The following OTUD3 variants were observed in gnomAD, a reference collection of about 807,000 sequenced individuals.
OTUD3 encodes OTU deubiquitinase 3.
A neutral mutation model predicts 46.2 loss-of-function variants in OTUD3; 24 were observed. That is an observed-to-expected ratio of 0.52 (90% CI 0.38 to 0.73). The LOEUF (loss-of-function observed/expected upper bound fraction) is 0.73. Among genes scored for constraint, OTUD3 ranks in the 30% least tolerant of loss-of-function variants. The pLI is 0.00. For synonymous variants in OTUD3, 189 were observed against 195.4 expected, an observed-to-expected ratio of 0.97 and a Z score of 0.27; for missense variants, 455 against 523.3, an observed-to-expected ratio of 0.87 and a Z score of 1.27.
At chr1:19,907,212 C>T (rs1170236007) in intron 7 of OTUD3, among the ~76,000 whole-genome samples, 5 of 152,170 alleles carry the variant, frequency 3.3e-5, no homozygotes, top group African/African-American at 1.2e-4. Context: ...TAAAAAGCCA[C>T]AGCAGAGGCA....
Position 19,907,865 on chromosome 1 carries a change from C to T in OTUD3, c.*119C>T. On this transcript the variant is annotated 3_prime_UTR_variant, in exon 8 of 8. Coordinates refer to ENST00000375120, the MANE Select transcript of OTUD3 (RefSeq NM_015207.2). ...ACAACCAACGAAGCCCACACATGAG[C>T]TCACACACTGAGTTAGTTTCGTTCA... 1 of 836,984 alleles carries T rather than the reference C, an allele frequency of 1.2e-6. No individual in the cohort carries two copies. Among genetic ancestry groups the T allele is most frequent in the Non-Finnish European group, 1.8e-6 (1 of 545,434 alleles). The allele number at this position is 836,984 out of a possible 1,614,324, so 51.8% of individuals were successfully genotyped here.
At chr1:19,894,908 A>C (rs111925437) in intron 3 of OTUD3, among the ~76,000 whole-genome samples, 157 of 152,352 alleles carry the variant, frequency 1.0e-3, no homozygotes, top group African/African-American at 3.6e-3. Flanking sequence ...TTAAAAAGTT[A>C]AAATACAGTA....
chr1:19,894,368 T>A lies in OTUD3; in HGVS notation c.371T>A (p.Val124Glu). 1.9e-6 allele frequency: 3 copies of A among 1,581,906 alleles called. No homozygotes were observed. The highest frequency in any genetic ancestry group is 2.6e-6 in the Non-Finnish European group (3 of 1,158,936). The stretch of plus-strand genomic sequence containing the variant: ...ATTTTTCTTTCCTATTTCCATGCAG[T>A]GGCCAGTTTGGCAAAGCCTGGTACT... ...VEDDIPFEKH[V>E]ASLAKPGTFA... The change falls in exon 3 of 8, where the codon GTG becomes GAG. Residue 124 changes from valine to glutamate, a missense_variant and splice_region_variant. Val to Glu is a moderately radical substitution (Grantham distance 121, BLOSUM62 -2). Coordinates refer to ENST00000375120, the MANE Select transcript of OTUD3 (RefSeq NM_015207.2).
rs748277835 is a variant in OTUD3, at chr1:19,910,457, A to G, written c.*2711A>G. On this transcript the variant is annotated 3_prime_UTR_variant, in exon 8 of 8. Coordinates refer to ENST00000375120, the MANE Select transcript of OTUD3 (RefSeq NM_015207.2). ...CAACAGCTTTGAACTAGAGAGGTAG[A>G]TGTATTAAAGCAGCATAGAACCATA... is the stretch of plus-strand genomic sequence containing the variant. The G allele has an allele frequency of 5.9e-5, 9 of 152,328 alleles. No individual in the cohort carries two copies. Among genetic ancestry groups the G allele is most frequent in the Non-Finnish European group, 1.2e-4 (8 of 68,032 alleles). The allele number at this position is 152,328 out of a possible 1,614,324, so 9.4% of individuals were successfully genotyped here. A position where few individuals can be genotyped will look rare whatever the true frequency, so the allele number is the denominator to read the frequency against.
intron 6 of OTUD3, among the ~76,000 whole-genome samples, chr1:19,905,691 A>G (rs1233773933): frequency 6.6e-6 from 1 of 152,212 alleles, no homozygotes; most frequent in Non-Finnish European, 1.5e-5. Context: ...CAGTGAGCTA[A>G]GATCGCACCA....
intron 3 of OTUD3, among the ~76,000 whole-genome samples, chr1:19,894,912 T>A (rs2045497540): frequency 6.6e-6 from 1 of 152,100 alleles, no homozygotes; most frequent in African/African-American, 2.4e-5. Flanking sequence ...AAAGTTAAAA[T>A]ACAGTACTTG....
chr1:19,902,973 T>C (rs972502092), intron 4 of OTUD3, among the ~76,000 whole-genome samples: 1 of 151,866 alleles, frequency 6.6e-6, no homozygotes, highest in Non-Finnish European at 1.5e-5. Flanking sequence ...CTATAAAGCC[T>C]TTGGGTGGTT....
rs2100343641 is a variant in OTUD3, at chr1:19,912,379, C to T, written c.*4633C>T. 1 of 152,646 alleles carries T rather than the reference C, an allele frequency of 6.6e-6. No individual in the cohort carries two copies. The highest frequency in any genetic ancestry group is 2.1e-4 in the South Asian group (1 of 4,832). 9.5% of individuals were successfully genotyped at this position (152,646 alleles called of 1,614,324 possible). Reference sequence around the variant, plus strand: ...TTTCCCACTCTTACAGTTCATTTTTCATAGTAGGAAGGGCCCTTGGCCTCC... The same window carrying T: ...TTTCCCACTCTTACAGTTCATTTTTTATAGTAGGAAGGGCCCTTGGCCTCC... On this transcript the variant is annotated 3_prime_UTR_variant, in exon 8 of 8. Transcript: ENST00000375120.
intron 3 of OTUD3, among the ~76,000 whole-genome samples, chr1:19,897,158 ATAGT>A (rs534879643): frequency 9.8e-4 from 149 of 152,194 alleles, no homozygotes; most frequent in Middle Eastern, 6.8e-3. Context: ...GAGCCTTCAA[ATAGT>A]TAGGGCTTCA....
At chr1:19,897,780 G>A in intron 4 of OTUD3, 118 bp downstream of exon 4, 1 of 991,826 alleles carries the variant, frequency 1.0e-6, no homozygotes, top group Non-Finnish European at 1.5e-6. Context: ...TTGAGAATCT[G>A]TGGGCCTGAT....
In OTUD3 at chr1:19,911,084, C is replaced by G. The variant is rs1313006438; in HGVS notation, c.*3338C>G. Reference sequence around the variant, plus strand: ...TAGTCAGAGGTGACTAAAAGTTACCCTGACCAAAAGGATCTCTGCGGGGGG... The same window carrying G: ...TAGTCAGAGGTGACTAAAAGTTACCGTGACCAAAAGGATCTCTGCGGGGGG... On this transcript the variant is annotated 3_prime_UTR_variant, in exon 8 of 8. Transcript: ENST00000375120. 2 of 152,324 alleles carry G rather than the reference C, an allele frequency of 1.3e-5. No homozygotes were observed. The highest frequency in any genetic ancestry group is 2.4e-5 in the African/African-American group (1 of 41,426). 9.4% of individuals were successfully genotyped at this position (152,324 alleles called of 1,614,324 possible). A position where few individuals can be genotyped will look rare whatever the true frequency, so the allele number is the denominator to read the frequency against.
intron 1 of OTUD3, among the ~76,000 whole-genome samples, chr1:19,887,602 G>C (rs2045385763): frequency 6.6e-6 from 1 of 152,134 alleles, no homozygotes; most frequent in Non-Finnish European, 1.5e-5. Flanking sequence ...GAGCTAAGGT[G>C]AAATTACCTT....
chr1:19,889,500 A>G (rs2045419102), intron 1 of OTUD3, among the ~76,000 whole-genome samples: 1 of 152,192 alleles, frequency 6.6e-6, no homozygotes, highest in Admixed American at 6.5e-5. Flanking sequence ...AGTTGGGTGT[A>G]AAACTGGACA....
intron 1 of OTUD3, among the ~76,000 whole-genome samples, chr1:19,886,833 GC>G (rs1172766379): frequency 1.3e-5 from 2 of 152,182 alleles, no homozygotes; most frequent in African/African-American, 4.8e-5. Context: ...TCTAACAACT[GC>G]CCAGGGGATG....
chr1:19,890,404 CT>C lies in OTUD3; in HGVS notation c.243del (p.Gly82ValfsTer22). ...PGDGNCLFRA[L>X]GDQLEGHSRN... ...TGACAGCAATTGCTTGTTCAGAGCT[CT>C]TGGTGATCAATTGGAGGGACACTCA... is the stretch of plus-strand genomic sequence containing the variant. On this transcript the variant is annotated frameshift_variant, in exon 2 of 8. Transcript: ENST00000375120. LOFTEE classifies it high-confidence loss of function. 6.2e-7 allele frequency: 1 copy of C among 1,613,956 alleles called. No homozygotes were observed. The highest frequency in any genetic ancestry group is 8.5e-7 in the Non-Finnish European group (1 of 1,179,842).
Position 19,912,020 on chromosome 1 carries a change from T to C in OTUD3, c.*4274T>C, listed in dbSNP as rs899152462. On this transcript the variant is annotated 3_prime_UTR_variant, in exon 8 of 8. Coordinates refer to ENST00000375120, the MANE Select transcript of OTUD3 (RefSeq NM_015207.2). ...TCGTTAGGACTGTTTTGTGGTTCCA[T>C]GAAAATGTTTAGCATCCTTGCAGAA... 1 of 152,396 alleles carries C rather than the reference T, an allele frequency of 6.6e-6. No homozygotes were observed. The highest frequency in any genetic ancestry group is 6.5e-5 in the Admixed American group (1 of 15,294). 9.4% of individuals were successfully genotyped at this position (152,396 alleles called of 1,614,324 possible).
intron 1 of OTUD3, among the ~76,000 whole-genome samples, chr1:19,886,686 A>G (rs2045366373): frequency 1.3e-5 from 2 of 152,250 alleles, no homozygotes; most frequent in South Asian, 2.1e-4. Flanking sequence ...TAGATGCTCA[A>G]CTAGTGTTTC....
At chr1:19,905,976 A>C (rs2100321504) in intron 6 of OTUD3, among the ~76,000 whole-genome samples, 1 of 152,332 alleles carries the variant, frequency 6.6e-6, no homozygotes, top group African/African-American at 2.4e-5. Context: ...TGTGCTGTTC[A>C]GTATAGTGTG....
chr1:19,896,524 A>G (rs1027088925), intron 3 of OTUD3, among the ~76,000 whole-genome samples: 17 of 152,158 alleles, frequency 1.1e-4, no homozygotes, highest in Non-Finnish European at 1.8e-4. Flanking sequence ...TGCACTTGAG[A>G]TCTGCGTATT....
Sources: gnomAD v4.1 joint callset for allele counts (sites outside exome capture counted in the v4.1 genomes callset) on GRCh38, gnomAD v4.1.1 for gene constraint, MANE v1.5 for transcripts, NCBI Gene and HGNC (gene_info 2026-07-23, HGNC 2026-07-21) for gene names.